The following DDX50 variants were observed in gnomAD, a reference collection of about 807,000 sequenced individuals.
The protein encoded by DDX50 is ATP-dependent RNA helicase DDX50.
A neutral mutation model predicts 94.8 loss-of-function variants in DDX50; 56 were observed. The observed-to-expected ratio is 0.59, with a 90% CI of 0.48 to 0.74. The LOEUF is 0.74. Among genes scored for constraint, DDX50 ranks in the 30% least tolerant of loss-of-function variants. DDX50 has a pLI of 0.00. For missense variants in DDX50, 713 were observed against 881.2 expected (o/e 0.81, Z 2.42); for synonymous variants, 264 against 295.4 (o/e 0.89, Z 1.09).
Position 68,913,509 on chromosome 10 carries a change from G to A in DDX50, c.876G>A (p.Val292=). The change falls in exon 6 of 15, where the codon GTG becomes GTA. Residue 292 remains valine, a synonymous_variant. Coordinates refer to ENST00000373585, the MANE Select transcript of DDX50 (RefSeq NM_024045.2). ...TGCGACATGTTGTGCTTGATGAAGTGGATCAGATGTTAGATTTAGGTTTCG... is the reference window on the plus strand; with the variant it reads ...TGCGACATGTTGTGCTTGATGAAGTAGATCAGATGTTAGATTTAGGTTTCG... The part of the protein sequence containing the change: ...SKLRHVVLDE[V]DQMLDLGFAE... The A allele has an allele frequency of 1.2e-6, 2 of 1,613,932 alleles. No homozygotes were observed. The highest frequency in any genetic ancestry group is 1.7e-6 in the Non-Finnish European group (2 of 1,179,966).
At chr10:68,933,649 A>T (rs1347767569) in intron 8 of DDX50, among the ~76,000 whole-genome samples, 1 of 151,356 alleles carries the variant, frequency 6.6e-6, no homozygotes. Context: ...AAAAAAAAAA[A>T]GTGGCCGGGT....
chr10:68,905,174 C>CA (rs1841409970), intron 1 of DDX50, among the ~76,000 whole-genome samples: 1 of 152,190 alleles, frequency 6.6e-6, no homozygotes, highest in African/African-American at 2.4e-5. Flanking sequence ...ACCTCGCCCC[C>CA]CCAGAGTGCT....
At chr10:68,917,285 C>A (rs1564606135) in intron 7 of DDX50, among the ~76,000 whole-genome samples, 1 of 151,860 alleles carries the variant, frequency 6.6e-6, no homozygotes, top group East Asian at 2.0e-4. Flanking sequence ...CATAGTGAAA[C>A]CCTGTCTCTA....
chr10:68,906,758 A>T lies in DDX50; in HGVS notation c.135A>T (p.Ser45=), dbSNP rs774709130. ...ACCATTATGACTCGGATGAGAAATCAGAAACAAGAGAAAATGGTGTTACAG... is the reference window on the plus strand; with the variant it reads ...ACCATTATGACTCGGATGAGAAATCTGAAACAAGAGAAAATGGTGTTACAG... ...SRHHYDSDEK[S]ETRENGVTDD... Residue 45 remains serine (S), a synonymous_variant, in exon 2 of 15, where the codon TCA becomes TCT. Coordinates refer to ENST00000373585, the MANE Select transcript of DDX50 (RefSeq NM_024045.2). 4.3e-6 allele frequency: 7 copies of T among 1,612,282 alleles called. No individual in the cohort carries two copies. The highest frequency in any genetic ancestry group is 1.3e-5 in the African/African-American group (1 of 74,894).
At chr10:68,914,986 A>G (rs1841740654) in intron 7 of DDX50, among the ~76,000 whole-genome samples, 1 of 147,564 alleles carries the variant, frequency 6.8e-6, no homozygotes, top group Admixed American at 6.9e-5. Context: ...GCGCCACCGT[A>G]CTCCAGCCTG....
chr10:68,904,354 G>C (rs919697356), intron 1 of DDX50, among the ~76,000 whole-genome samples: 1 of 152,094 alleles, frequency 6.6e-6, no homozygotes, highest in African/African-American at 2.4e-5. Context: ...ATTGAGGTGA[G>C]GATAACTTTG....
At chr10:68,940,978 G>T in intron 12 of DDX50, 82 bp from the exon 13 acceptor site, 6 of 1,515,902 alleles carry the variant, frequency 4.0e-6, no homozygotes, top group Non-Finnish European at 4.4e-6. Context: ...GCACAGTTAA[G>T]TCTTGAAGGA....
chr10:68,914,964 TA>T (rs548793433), intron 7 of DDX50, among the ~76,000 whole-genome samples: 22 of 143,196 alleles, frequency 1.5e-4, no homozygotes, highest in Non-Finnish European at 3.0e-4. Flanking sequence ...GAGGTTGCAG[TA>T]AGCTGAGATT....
chr10:68,927,828 T>A (rs1842130527), intron 8 of DDX50, among the ~76,000 whole-genome samples: 1 of 152,104 alleles, frequency 6.6e-6, no homozygotes, highest in South Asian at 2.1e-4. Flanking sequence ...CATCTTAAAA[T>A]GTATTATGGA....
chr10:68,922,886 G>A (rs1414638981), intron 8 of DDX50, among the ~76,000 whole-genome samples: 2 of 149,706 alleles, frequency 1.3e-5, no homozygotes, highest in Admixed American at 6.7e-5. Flanking sequence ...CTGCCTCCTG[G>A]GTTCAAGCGA....
In DDX50 at chr10:68,913,162, G is replaced by A. The variant is rs1176048299; in HGVS notation, c.640G>A (p.Val214Ile). 6.3e-7 allele frequency: 1 copy of A among 1,599,350 alleles called. No homozygotes were observed. Among genetic ancestry groups the A allele is most frequent in the Admixed American group, 1.8e-5 (1 of 55,226 alleles). The change falls in exon 5 of 15, where the codon GTA (valine) becomes ATA (isoleucine). Residue 214 changes from valine (V) to isoleucine (I), a missense_variant and splice_region_variant. By Grantham distance (29) the Val-to-Ile change is conservative. Around this residue, in one of 2 missense-constraint regions of DDX50, gnomAD observed 285 missense variants for 278.9 expected, o/e 1.02. Transcript: ENST00000373585. ...TTTGTTTTTTAAACCTCTTGCTCAG[G>A]TACTTGTTTTGGCTCCAACAAGGGA... ...ETIKKSRSPK[V>I]LVLAPTRELA...
intron 13 of DDX50, among the ~76,000 whole-genome samples, chr10:68,942,712 C>T (rs1353902926): frequency 1.3e-5 from 2 of 152,132 alleles, no homozygotes; most frequent in Admixed American, 1.3e-4. Flanking sequence ...CTCCCAGGCC[C>T]AAGCGATCCT....
intron 8 of DDX50, among the ~76,000 whole-genome samples, chr10:68,932,863 G>A (rs1230313354): frequency 6.6e-6 from 1 of 152,072 alleles, no homozygotes; most frequent in Non-Finnish European, 1.5e-5. Context: ...TACTCATAGA[G>A]TATTGAAGAA....
At chr10:68,935,727 A>C (rs1842389123) in intron 10 of DDX50, among the ~76,000 whole-genome samples, 1 of 152,010 alleles carries the variant, frequency 6.6e-6, no homozygotes, top group Non-Finnish European at 1.5e-5. Flanking sequence ...CCCAGCTACT[A>C]TGGAGGCTGA....
intron 7 of DDX50, among the ~76,000 whole-genome samples, chr10:68,916,730 C>A (rs979221695): frequency 6.6e-6 from 1 of 152,200 alleles, no homozygotes; most frequent in African/African-American, 2.4e-5. Flanking sequence ...GTTGCCTAGT[C>A]TGCAGTGCAA....
chr10:68,916,808 C>A (rs1226504890), intron 7 of DDX50, among the ~76,000 whole-genome samples: 1 of 152,146 alleles, frequency 6.6e-6, no homozygotes, highest in Non-Finnish European at 1.5e-5. Context: ...CCTCAGCCTC[C>A]TGAGTAGCTG....
intron 7 of DDX50, among the ~76,000 whole-genome samples, chr10:68,914,484 TCAAAAA>T (rs1179936587): frequency 3.3e-5 from 5 of 151,730 alleles, no homozygotes; most frequent in Non-Finnish European, 7.4e-5. Flanking sequence ...TTAAAGCCGC[TCAAAAA>T]CAAAAACAAA....
intron 8 of DDX50, among the ~76,000 whole-genome samples, chr10:68,929,508 C>G (rs1370235902): frequency 2.0e-5 from 3 of 151,664 alleles, no homozygotes; most frequent in Non-Finnish European, 2.9e-5. Flanking sequence ...TCACTGCAAC[C>G]TCCACCTCCT....
chr10:68,913,261 A>ACAT lies in DDX50; in HGVS notation c.743_745dup (p.Ser248dup), dbSNP rs1267503984. On this transcript the variant is annotated inframe_insertion, in exon 5 of 15. Coordinates refer to ENST00000373585, the MANE Select transcript of DDX50 (RefSeq NM_024045.2). ...CAGCGTGGCGTGTTTTTATGGTGGAACATCATATCAAAGCCAAAGTGAGTA... is the reference window on the plus strand; with the variant it reads ...CAGCGTGGCGTGTTTTTATGGTGGAACATCATCATATCAAAGCCAAAGTGAGTA... 6.2e-7 allele frequency: 1 copy of ACAT among 1,612,678 alleles called. No homozygotes were observed. Among genetic ancestry groups the ACAT allele is most frequent in the Non-Finnish European group, 8.5e-7 (1 of 1,179,718 alleles).
Sources: allele counts gnomAD v4.1 joint callset (sites outside exome capture counted in the v4.1 genomes callset), GRCh38; gene constraint gnomAD v4.1.1; regional missense constraint gnomAD v4.1.1; transcripts MANE v1.5; gene names NCBI Gene and HGNC (gene_info 2026-07-23, HGNC 2026-07-21).